The following MAD2L2 variants were observed in gnomAD, a reference collection of about 807,000 sequenced individuals.
MAD2L2 encodes mitotic arrest deficient 2 like 2, also known as mitotic spindle assembly checkpoint protein MAD2B.
MAD2L2 carries 17 observed loss-of-function variants against 30.5 expected under a neutral mutation model. The ratio of observed to expected loss-of-function variants is 0.56; its 90% CI spans 0.38 to 0.84. The LOEUF is 0.84. Ranked by LOEUF, MAD2L2 falls within the 40% of genes least tolerant of loss-of-function variation. The pLI, the probability that MAD2L2 is intolerant of heterozygous loss-of-function variation, is 0.00. For synonymous variants in MAD2L2, 101 were observed against 113.9 expected, an observed-to-expected ratio of 0.89 and a Z score of 0.72; for missense variants, 213 against 277.4, an observed-to-expected ratio of 0.77 and a Z score of 1.65.
chr1:11,674,687 G>T lies in MAD2L2; in HGVS notation c.*88C>A. On this transcript the variant is annotated 3_prime_UTR_variant, in exon 9 of 9. Transcript: ENST00000376692. The surrounding 1 kb of genome is among the most constrained non-coding windows in gnomAD (Gnocchi z 6.1). ...ACACACAGAGGCGATAAGAGCACTT[G>T]GAATCAGGGCAGCCATGCAGCACTG... 1 of 1,386,056 alleles carries T rather than the reference G, an allele frequency of 7.2e-7. No homozygotes were observed. The highest frequency in any genetic ancestry group is 1.0e-6 in the Non-Finnish European group (1 of 980,290). 85.9% of individuals were successfully genotyped at this position (1,386,056 alleles called of 1,614,324 possible). A position where few individuals can be genotyped will look rare whatever the true frequency, so the allele number is the denominator to read the frequency against.
In MAD2L2 at chr1:11,687,871, G is replaced by C. The variant is rs1321110483; in HGVS notation, c.-692+3542C>G. ...ACATCTGCTTATCCAGTCATCAGTT[G>C]ATGAATATTGGAGCCTGCTTTGGCC... On this transcript the variant is annotated intron_variant, in intron 1 of 10. Transcript: ENST00000235310. The surrounding 1 kb of genome is among the most constrained non-coding windows in gnomAD (Gnocchi z 4.1). Among the ~76,000 whole-genome samples the C allele has an allele frequency of 6.6e-6, 1 of 152,146 alleles. No individual in the cohort carries two copies. The highest frequency in any genetic ancestry group is 1.5e-5 in the Non-Finnish European group (1 of 68,030).
At position 11,688,057 on chromosome 1, in the gene MAD2L2, G is replaced by T. The variant is rs1026596267; in HGVS notation, c.-692+3356C>A. Among the ~76,000 whole-genome samples, 1 of 152,198 alleles carries T rather than the reference G, an allele frequency of 6.6e-6. No individual in the cohort carries two copies. Among genetic ancestry groups the T allele is most frequent in the Non-Finnish European group, 1.5e-5 (1 of 68,034 alleles). On this transcript the variant is annotated intron_variant, in intron 1 of 10. Transcript: ENST00000235310. The surrounding 1 kb of genome is among the most constrained non-coding windows in gnomAD (Gnocchi z 4.6). ...ATCACCCAGCCAGGGGACAGCCACA[G>T]TAGCAGCATTTGAACCAGAGACTCC...
chr1:11,681,873 G>A (rs1640886767), upstream of MAD2L2: 2 of 152,174 alleles, frequency 1.3e-5, no homozygotes, highest in South Asian at 2.1e-4. Context: ...GGTGCAGAAG[G>A]GTGAATAACC....
intron 3 of MAD2L2, among the ~76,000 whole-genome samples, chr1:11,679,301 G>A (rs7553585): frequency 0.6 from 91,968 of 152,148 alleles, 28,644 homozygotes; most frequent in African/African-American, 0.76. Context: ...GATGTCCTTT[G>A]AGCTTCTACC....
At chr1:11,689,390 G>C (rs1641021547) in intron 1 of MAD2L2, among the ~76,000 whole-genome samples, 1 of 151,802 alleles carries the variant, frequency 6.6e-6, no homozygotes, top group African/African-American at 2.4e-5. Context: ...CTGAGGTCAG[G>C]AGTTCAAGAC....
At chr1:11,689,550 T>G (rs1328602096) in intron 1 of MAD2L2, among the ~76,000 whole-genome samples, 1 of 152,000 alleles carries the variant, frequency 6.6e-6, no homozygotes, top group Non-Finnish European at 1.5e-5. Context: ...GAGCTGAGAT[T>G]GTGCCACTGC....
intron 3 of MAD2L2, 30 bp from the exon 4 acceptor site, chr1:11,677,644 C>T: frequency 6.3e-7 from 1 of 1,593,418 alleles, no homozygotes; most frequent in South Asian, 1.1e-5. Flanking sequence ...GCTCGTGAGG[C>T]CCAAAGCACA....
Position 11,688,980 on chromosome 1 carries a change from C to T in MAD2L2, c.-692+2433G>A, listed in dbSNP as rs144132216. On this transcript the variant is annotated intron_variant, in intron 1 of 10. Transcript: ENST00000235310. This position sits in a 1 kb window ranked among gnomAD's most constrained non-coding sequence, Gnocchi z 4.6. The stretch of plus-strand genomic sequence containing the variant: ...TACAAATGCCATGGCAACATCAGGA[C>T]GTTACCCTATATGGTCTAAAAAGGG... 3.6e-3 allele frequency among the ~76,000 whole-genome samples: 549 copies of T among 152,288 alleles called. 7 individuals carry two copies. Among genetic ancestry groups the T allele is most frequent in the African/African-American group, 0.013 (526 of 41,564 alleles).
Position 11,676,044 on chromosome 1 carries a change from A to T in MAD2L2, c.427+2T>A, listed in dbSNP as rs771958137. 28 of 1,612,386 alleles carry T rather than the reference A, an allele frequency of 1.7e-5. No individual in the cohort carries two copies. The highest frequency in any genetic ancestry group is 2.0e-5 in the Non-Finnish European group (24 of 1,178,912). ...GGAAGAGAGGGTGGGGAGTGGACACACCTGGGGGGTTGTGGTCCAGGACGG... is the reference window on the plus strand; with the variant it reads ...GGAAGAGAGGGTGGGGAGTGGACACTCCTGGGGGGTTGTGGTCCAGGACGG... On this transcript the variant is annotated splice_donor_variant, in intron 6 of 8. Transcript: ENST00000376692. LOFTEE classifies it high-confidence loss of function.
At chr1:11,681,724 T>C (rs1640883741), upstream of MAD2L2, 1 of 152,328 alleles carries the variant, frequency 6.6e-6, no homozygotes, top group African/African-American at 2.4e-5. Flanking sequence ...CTACGCTTCA[T>C]AACAATAGCT....
intron 1 of MAD2L2, 111 bp from the exon 2 acceptor site, chr1:11,680,724 C>G (rs1640860004): frequency 2.8e-6 from 4 of 1,452,160 alleles, no homozygotes; most frequent in Middle Eastern, 5.1e-4. Flanking sequence ...GGGGAAGGAC[C>G]TCCCGCTTCG....
chr1:11,689,101 G>A (rs927228803), intron 1 of MAD2L2, among the ~76,000 whole-genome samples: 3 of 152,082 alleles, frequency 2.0e-5, no homozygotes, highest in African/African-American at 4.8e-5. Flanking sequence ...TTCGAGACCC[G>A]CCTGGGCAAC....
Position 11,675,663 on chromosome 1 carries a change from T to G in MAD2L2, c.496A>C (p.Ile166Leu). 1 of 1,614,072 alleles carries G rather than the reference T, an allele frequency of 6.2e-7. No homozygotes were observed. Among genetic ancestry groups the G allele is most frequent in the South Asian group, 1.1e-5 (1 of 91,084 alleles). Residue 166 changes from isoleucine to leucine, a missense_variant, in exon 7 of 9, where the codon ATC becomes CTC. Coordinates refer to ENST00000376692, the MANE Select transcript of MAD2L2 (RefSeq NM_006341.4). Reference protein sequence around the residue: ...ATRNMEKIQVIKDFPWILADE... With the variant: ...ATRNMEKIQVLKDFPWILADE... ...CCAGACCCATCTCATCTCACCTTGA[T>G]GACCTGGATCTTCTCCATGTTGCGA...
Position 11,676,054 on chromosome 1 carries a change from T to C in MAD2L2, c.419A>G (p.Asn140Ser). Residue 140 changes from asparagine to serine, a missense_variant, in exon 6 of 9, where the codon AAC (asparagine) becomes AGC (serine). Coordinates refer to ENST00000376692, the MANE Select transcript of MAD2L2 (RefSeq NM_006341.4). ...GTGGGGAGTGGACACACCTGGGGGGTTGTGGTCCAGGACGGCATCGCACAC... is the reference window on the plus strand; with the variant it reads ...GTGGGGAGTGGACACACCTGGGGGGCTGTGGTCCAGGACGGCATCGCACAC... ...ISVCDAVLDH[N>S]PPGCTFTVLV... is the part of the protein sequence containing the mutation. The C allele has an allele frequency of 6.2e-7, 1 of 1,610,294 alleles. No homozygotes were observed. Among genetic ancestry groups the C allele is most frequent in the South Asian group, 1.1e-5 (1 of 90,880 alleles).
chr1:11,677,781 C>T (rs1040666917), intron 3 of MAD2L2, among the ~76,000 whole-genome samples, 167 bp from the exon 4 acceptor site: 2 of 152,098 alleles, frequency 1.3e-5, no homozygotes, highest in African/African-American at 2.4e-5. Flanking sequence ...AAGAACTGGC[C>T]GGGCATGGTG....
rs1641006003 is a variant in MAD2L2 at position 11,688,664 on chromosome 1, T to C, written c.-692+2749A>G. On this transcript the variant is annotated intron_variant, in intron 1 of 10. Transcript: ENST00000235310. The surrounding 1 kb of genome is among the most constrained non-coding windows in gnomAD (Gnocchi z 4.6). ...CTCTAAAAAGCTCAAGTCCTCCCTG[T>C]GGCCTTTGCAGGCTCACATTGTTAG... Among the ~76,000 whole-genome samples, 2 of 152,206 alleles carry C rather than the reference T, an allele frequency of 1.3e-5. No homozygotes were observed. The highest frequency in any genetic ancestry group is 6.5e-5 in the Admixed American group (1 of 15,286).
chr1:11,682,847 A>T (rs745976297), upstream of MAD2L2, among the ~76,000 whole-genome samples: 1 of 152,188 alleles, frequency 6.6e-6, no homozygotes, highest in Non-Finnish European at 1.5e-5. Context: ...GAACTGGTGC[A>T]CTTGGCAGCA....
At chr1:11,689,320 G>C (rs998612406) in intron 1 of MAD2L2, among the ~76,000 whole-genome samples, 1 of 146,920 alleles carries the variant, frequency 6.8e-6, no homozygotes, top group African/African-American at 2.6e-5. Context: ...AAAAAAGGCT[G>C]GGTGCTGTAG....
At chr1:11,682,163 C>T (rs371935179), upstream of MAD2L2, 1 of 152,234 alleles carries the variant, frequency 6.6e-6, no homozygotes, top group Non-Finnish European at 1.5e-5. Context: ...GAAACGTTCT[C>T]TAATTCGCCA....
Sources: gnomAD v4.1 joint callset for allele counts (sites outside exome capture counted in the v4.1 genomes callset) on GRCh38, gnomAD v4.1.1 for gene constraint, Gnocchi (gnomAD v3.1) non-coding constraint, MANE v1.5 for transcripts, NCBI Gene and HGNC (gene_info 2026-07-23, HGNC 2026-07-21) for gene names.